Variants in DGKI observed in about 807,000 individuals in gnomAD.
The protein encoded by DGKI is DAG kinase iota.
DGKI carries 55 observed loss-of-function variants against 147.5 expected under a neutral mutation model. The observed-to-expected ratio is 0.37, with a 90% confidence interval of 0.30 to 0.47. The LOEUF (loss-of-function observed/expected upper bound fraction) is 0.47. Ranked by LOEUF, DGKI falls within the 20% of genes least tolerant of loss-of-function variation. DGKI has a pLI of 1.00. For synonymous variants in DGKI, 469 were observed against 477.1 expected, an observed-to-expected ratio of 0.98 and a Z score of 0.22; for missense variants, 1,007 against 1,323.8, an observed-to-expected ratio of 0.76 and a Z score of 3.71.
chr7:137,420,431 T>A (rs981391934), intron 28 of DGKI, among the ~76,000 whole-genome samples: 1 of 152,182 alleles, frequency 6.6e-6, no homozygotes, highest in Non-Finnish European at 1.5e-5. Context: ...TGAATTGTGA[T>A]GTGCTTTGAG....
intron 31 of DGKI, among the ~76,000 whole-genome samples, chr7:137,396,705 A>C (rs932640343): frequency 1.3e-5 from 2 of 152,148 alleles, no homozygotes; most frequent in African/African-American, 4.8e-5. Context: ...ACACCAACTC[A>C]TCTTTATACC....
chr7:137,407,887 T>C lies in DGKI; in HGVS notation c.2908A>G (p.Ile970Val). The C allele has an allele frequency of 6.2e-7, 1 of 1,614,076 alleles. No homozygotes were observed. Among genetic ancestry groups the C allele is most frequent in the East Asian group, 2.2e-5 (1 of 44,886 alleles). The change falls in exon 30 of 33, where the codon ATC becomes GTC. Residue 970 changes from isoleucine to valine, a missense_variant. Physicochemically the swap from Ile to Val is conservative, Grantham distance 29. Coordinates refer to ENST00000614521, the MANE Select transcript of DGKI (RefSeq NM_001321708.2). ...TATGCCTACTTACCGTGGTCAAGGA[T>C]ATATTTCACAATCTCCCCGTTGCCG... ...KTGNGEIVKY[I>V]LDHGPSELLD...
intron 20 of DGKI, among the ~76,000 whole-genome samples, chr7:137,533,821 T>A (rs901113850): frequency 1.3e-5 from 2 of 152,144 alleles, no homozygotes; most frequent in Non-Finnish European, 2.9e-5. Flanking sequence ...TTTTCTTAAT[T>A]TTTATAATGG....
chr7:137,724,881 G>A lies in DGKI; in HGVS notation c.402-34879C>T, dbSNP rs570754362. ...ATGAAAGCCAAGTAGGGAGTAGCTG[G>A]GAATAAAGAAGAAAAGAAATGCTAT... is the stretch of plus-strand genomic sequence containing the variant. On this transcript the variant is annotated intron_variant, in intron 1 of 32. Coordinates refer to ENST00000614521, the MANE Select transcript of DGKI (RefSeq NM_001321708.2). Among the ~76,000 whole-genome samples the A allele has an allele frequency of 3.3e-5, 5 of 152,180 alleles. No homozygotes were observed. The East Asian group carries it at 9.7e-4, about 29-fold the overall frequency.
intron 29 of DGKI, among the ~76,000 whole-genome samples, chr7:137,411,938 G>T (rs1019991630): frequency 6.6e-6 from 1 of 152,150 alleles, no homozygotes; most frequent in Non-Finnish European, 1.5e-5. Flanking sequence ...GGCACACTGT[G>T]CACATTGCAT....
intron 1 of DGKI, among the ~76,000 whole-genome samples, chr7:137,833,265 C>T (rs893755328): frequency 6.6e-6 from 1 of 152,184 alleles, no homozygotes; most frequent in Non-Finnish European, 1.5e-5. Flanking sequence ...ATACCCGAGA[C>T]TGGGCAATTT....
chr7:137,725,637 T>C (rs970212533), intron 1 of DGKI, among the ~76,000 whole-genome samples: 5 of 152,148 alleles, frequency 3.3e-5, no homozygotes, highest in Non-Finnish European at 5.9e-5. Context: ...TTTCTCATTA[T>C]AAAATGCAAA....
intron 1 of DGKI, among the ~76,000 whole-genome samples, chr7:137,694,493 G>T (rs1217500214): frequency 6.6e-6 from 1 of 152,052 alleles, no homozygotes; most frequent in African/African-American, 2.4e-5. Flanking sequence ...TCCCTCTCTG[G>T]GTGATGCTGC....
chr7:137,559,001 G>A (rs979643455), intron 19 of DGKI, among the ~76,000 whole-genome samples: 5 of 146,528 alleles, frequency 3.4e-5, no homozygotes, highest in Non-Finnish European at 6.0e-5. Flanking sequence ...AGTGATTACA[G>A]TATGCTGCTA....
intron 7 of DGKI, among the ~76,000 whole-genome samples, chr7:137,623,224 G>C (rs1053182651): frequency 1.3e-4 from 20 of 152,194 alleles, no homozygotes; most frequent in Non-Finnish European, 2.8e-4. Flanking sequence ...AGAATTAGGG[G>C]AGGATTTTCT....
chr7:137,788,712 T>C (rs1251704284), intron 1 of DGKI, among the ~76,000 whole-genome samples: 1 of 150,622 alleles, frequency 6.6e-6, no homozygotes, highest in East Asian at 1.9e-4. Flanking sequence ...CACACACATC[T>C]AGGCCCTAAC....
At chr7:137,446,846 G>C (rs2059384) in intron 27 of DGKI, among the ~76,000 whole-genome samples, 55,213 of 152,048 alleles carry the variant, frequency 0.36, 10,788 homozygotes, top group East Asian at 0.66. Context: ...ATCCCAAAAA[G>C]AGATAATTAT....
chr7:137,727,406 A>C (rs946320745), intron 1 of DGKI, among the ~76,000 whole-genome samples: 1 of 152,222 alleles, frequency 6.6e-6, no homozygotes, highest in Non-Finnish European at 1.5e-5. Context: ...ATACTCACAG[A>C]GCCCCAGCTT....
chr7:137,439,574 C>T (rs762943970), intron 28 of DGKI, among the ~76,000 whole-genome samples: 1 of 152,096 alleles, frequency 6.6e-6, no homozygotes, highest in African/African-American at 2.4e-5. Flanking sequence ...TCTACCTGGC[C>T]CCATCCTTGA....
chr7:137,381,823 T>G lies in DGKI; in HGVS notation c.*9397A>C, dbSNP rs1449894368. On this transcript the variant is annotated 3_prime_UTR_variant, in exon 33 of 33. Coordinates refer to ENST00000614521, the MANE Select transcript of DGKI (RefSeq NM_001321708.2). ...CAAAATATTCTGTTGTGTTAGAATA[T>G]TTTGTCTATGAGAGTTCTAAATCTC... 6.6e-6 allele frequency: 1 copy of G among 152,138 alleles called. No homozygotes were observed. Among genetic ancestry groups the G allele is most frequent in the Admixed American group, 6.6e-5 (1 of 15,240 alleles). The allele number at this position is 152,138 out of a possible 1,614,324, so 9.4% of individuals were successfully genotyped here.
intron 8 of DGKI, among the ~76,000 whole-genome samples, chr7:137,613,512 G>T (rs914177120): frequency 6.6e-6 from 1 of 152,090 alleles, no homozygotes; most frequent in African/African-American, 2.4e-5. Flanking sequence ...CTAATTTACA[G>T]GATATTATTG....
intron 1 of DGKI, among the ~76,000 whole-genome samples, chr7:137,844,178 C>T (rs994746737): frequency 7.2e-5 from 11 of 152,206 alleles, no homozygotes; most frequent in Admixed American, 1.3e-4. Context: ...GCCGCCATGA[C>T]GAGTGGGCAG....
intron 20 of DGKI, among the ~76,000 whole-genome samples, chr7:137,541,706 G>A (rs1002815561): frequency 5.9e-5 from 9 of 152,056 alleles, no homozygotes; most frequent in African/African-American, 1.2e-4. Context: ...ACATCCATAT[G>A]CAAAAACATT....
rs147635118 is a variant in DGKI at position 137,483,234 on chromosome 7, C to T, written c.2373+2140G>A. Among the ~76,000 whole-genome samples the T allele has an allele frequency of 7.4e-4, 113 of 152,118 alleles. 1 individual carries two copies. Among genetic ancestry groups the T allele is most frequent in the African/African-American group, 2.5e-3 (104 of 41,524 alleles). On this transcript the variant is annotated intron_variant, in intron 23 of 32. Coordinates refer to ENST00000614521, the MANE Select transcript of DGKI (RefSeq NM_001321708.2). ...TTAACTCTCACACCAAAAATGACTA[C>T]ATCGTATAAGCCAGGAATAATAAAT... is the stretch of plus-strand genomic sequence containing the variant.
Sources: gnomAD v4.1 joint callset for allele counts (sites outside exome capture counted in the v4.1 genomes callset) on GRCh38, gnomAD v4.1.1 for gene constraint, MANE v1.5 for transcripts, NCBI Gene and HGNC (gene_info 2026-07-23, HGNC 2026-07-21) for gene names.